SATB2: variants seen among roughly 807,000 people sequenced by gnomAD.
SATB2 encodes SATB homeobox 2, also known as DNA-binding protein SATB2.
In SATB2, 1 loss-of-function variant was observed where a neutral mutation model predicts 73.4. The ratio of observed to expected loss-of-function variants is 0.01; its 90% CI spans 0.00 to 0.06. The LOEUF (loss-of-function observed/expected upper bound fraction) is 0.06. Among genes scored for constraint, SATB2 ranks in the 10% least tolerant of loss-of-function variants. The pLI, the probability that SATB2 is intolerant of heterozygous loss-of-function variation, is 1.00. For synonymous variants in SATB2, 397 were observed against 367.0 expected (o/e 1.08, Z -0.93); for missense variants, 459 against 945.8 (o/e 0.49, Z 6.75).
At chr2:199,447,495 A>G in intron 2 of SATB2, among the ~76,000 whole-genome samples, 1 of 152,180 alleles carries the variant, frequency 6.6e-6, no homozygotes, top group Non-Finnish European at 1.5e-5. Flanking sequence ...CAGGCCTAGG[A>G]ACCCCATCTA....
chr2:199,375,891 T>C (rs1342640151), intron 5 of SATB2, among the ~76,000 whole-genome samples: 1 of 152,198 alleles, frequency 6.6e-6, no homozygotes, highest in African/African-American at 2.4e-5. Flanking sequence ...GGAATGCTGG[T>C]GGAAATATAC....
chr2:199,298,671 C>A (rs1559148932), intron 10 of SATB2, among the ~76,000 whole-genome samples: 1 of 152,094 alleles, frequency 6.6e-6, no homozygotes, highest in Non-Finnish European at 1.5e-5. Context: ...TCCCCTATTT[C>A]AACTGTTAAT....
At chr2:199,396,600 G>C (rs1216871483) in intron 3 of SATB2, 1 of 152,198 alleles carries the variant, frequency 6.6e-6, no homozygotes, top group Non-Finnish European at 1.5e-5. Context: ...GAGGAGCCAA[G>C]TGAGGATGGA....
intron 3 of SATB2, among the ~76,000 whole-genome samples, chr2:199,420,842 A>G (rs1201649227): frequency 6.6e-6 from 1 of 152,200 alleles, no homozygotes; most frequent in Non-Finnish European, 1.5e-5. Context: ...CTTATTGTAT[A>G]CTTATTTAAT....
intron 10 of SATB2, among the ~76,000 whole-genome samples, chr2:199,302,184 T>G (rs1250951266): frequency 6.6e-6 from 1 of 152,186 alleles, no homozygotes; most frequent in Non-Finnish European, 1.5e-5. Flanking sequence ...AACAAAGCCA[T>G]AGCTAATGTC....
chr2:199,455,149 C>T lies in SATB2; in HGVS notation c.169+720G>A, dbSNP rs1044619852. On this transcript the variant is annotated intron_variant, in intron 2 of 10. Coordinates refer to ENST00000417098, the MANE Select transcript of SATB2 (RefSeq NM_001172509.2). The surrounding 1 kb of genome is among the most constrained non-coding windows in gnomAD (Gnocchi z 4.1). ...TGACCACTTTAAAAGAAAGTAGTTGCTTAAGTAGTAAAAACTACAAAAGAT... is the reference window on the plus strand; with the variant it reads ...TGACCACTTTAAAAGAAAGTAGTTGTTTAAGTAGTAAAAACTACAAAAGAT... Among the ~76,000 whole-genome samples the T allele has an allele frequency of 2.0e-5, 3 of 152,088 alleles. No individual in the cohort carries two copies. Among genetic ancestry groups the T allele is most frequent in the Non-Finnish European group, 4.4e-5 (3 of 67,988 alleles).
intron 3 of SATB2, among the ~76,000 whole-genome samples, chr2:199,401,044 T>C (rs2105892207): frequency 6.6e-6 from 1 of 152,298 alleles, no homozygotes; most frequent in African/African-American, 2.4e-5. Context: ...TATATATCTT[T>C]TGAACATAAA....
chr2:199,272,646 T>C lies in SATB2; in HGVS notation c.1767A>G (p.Pro589=). ...VQVLHRQQSQ[P]AKESSPPREE... is the part of the protein sequence containing the mutation. ...CTCTGGGAGGGGAACTCTCCTTGGC[T>C]GGCTGAGACTGCTGTCTATGAAGTA... Residue 589 remains proline (P), a synonymous_variant, in exon 11 of 11, where the codon CCA becomes CCG. Coordinates refer to ENST00000417098, the MANE Select transcript of SATB2 (RefSeq NM_001172509.2). The surrounding 1 kb of genome is among the most constrained non-coding windows in gnomAD (Gnocchi z 6.7). 6.2e-7 allele frequency: 1 copy of C among 1,614,122 alleles called. No homozygotes were observed. Among genetic ancestry groups the C allele is most frequent in the East Asian group, 2.2e-5 (1 of 44,866 alleles).
At chr2:199,344,419 T>C (rs1346836274) in intron 7 of SATB2, among the ~76,000 whole-genome samples, 6 of 152,174 alleles carry the variant, frequency 3.9e-5, no homozygotes, top group African/African-American at 1.4e-4. Context: ...ATTGCCCGAG[T>C]ACTTTGAATC....
rs541226350 is a variant in SATB2, at chr2:199,369,026, C to T, written c.598-319G>A. On this transcript the variant is annotated intron_variant, in intron 5 of 10. Transcript: ENST00000417098. ...AGAGCAAAAGGTGAGATCAGATGCT[C>T]CAGCATCCGTAATCCAAATAATGCC... 3.2e-4 allele frequency: 80 copies of T among 253,436 alleles called. No homozygotes were observed. The South Asian group carries it at 4.2e-3, about 13-fold the overall frequency. 15.7% of individuals were successfully genotyped at this position (253,436 alleles called of 1,614,324 possible).
chr2:199,316,879 C>T (rs1313053369), intron 9 of SATB2, among the ~76,000 whole-genome samples: 1 of 152,084 alleles, frequency 6.6e-6, no homozygotes, highest in African/African-American at 2.4e-5. Flanking sequence ...TGGACTTCTT[C>T]ACTTCAACGG....
At chr2:199,314,024 G>A (rs1687663486) in intron 9 of SATB2, among the ~76,000 whole-genome samples, 1 of 152,128 alleles carries the variant, frequency 6.6e-6, no homozygotes, top group Non-Finnish European at 1.5e-5. Context: ...CCCATGAGAA[G>A]CTGTACTTCA....
chr2:199,321,970 T>C (rs944030395), intron 9 of SATB2, among the ~76,000 whole-genome samples: 1 of 152,196 alleles, frequency 6.6e-6, no homozygotes, highest in Non-Finnish European at 1.5e-5. Context: ...CTCCAAATTC[T>C]ACGAAATCAG....
intron 2 of SATB2, among the ~76,000 whole-genome samples, chr2:199,439,574 A>G (rs1233040070): frequency 6.6e-6 from 1 of 152,232 alleles, no homozygotes; most frequent in Non-Finnish European, 1.5e-5. Flanking sequence ...AACTGAGTGA[A>G]TAACAGTCTT....
intron 6 of SATB2, among the ~76,000 whole-genome samples, chr2:199,351,016 G>C (rs541855580): frequency 7.4e-6 from 1 of 135,306 alleles, no homozygotes; most frequent in Admixed American, 8.0e-5. Context: ...AGTGACGAGC[G>C]AGACTCTGTC....
chr2:199,441,077 C>T (rs1167155017), intron 2 of SATB2, among the ~76,000 whole-genome samples: 2 of 152,108 alleles, frequency 1.3e-5, no homozygotes, highest in South Asian at 2.1e-4. Context: ...GAACTCCCAA[C>T]CTCAGGTGAT....
In SATB2 at chr2:199,391,202, TAGGG is replaced by T. The variant is rs1690122870; in HGVS notation, c.347-9386_347-9383del. On this transcript the variant is annotated intron_variant, in intron 3 of 10. Transcript: ENST00000417098. ...GGCTCACGCCTGTAATCCCAGCACT[TAGGG>T]AGGCCGAGGCGGGTGGATCACAAGG... Among the ~76,000 whole-genome samples, 3 of 151,922 alleles carry T rather than the reference TAGGG, an allele frequency of 2.0e-5. No homozygotes were observed. The South Asian group carries it at 6.2e-4, about 32-fold the overall frequency.
chr2:199,456,433 T>C (rs1374473461), intron 1 of SATB2, among the ~76,000 whole-genome samples: 1 of 152,240 alleles, frequency 6.6e-6, no homozygotes, highest in Non-Finnish European at 1.5e-5. Context: ...TGCTACAGCC[T>C]AGCCCGTCCC....
At chr2:199,333,643 TAA>T (rs149177149) in intron 7 of SATB2, among the ~76,000 whole-genome samples, 63 of 152,128 alleles carry the variant, frequency 4.1e-4, no homozygotes, top group African/African-American at 1.4e-3. Context: ...AAAAATATAA[TAA>T]GAGTCTACAT....
Sources: allele counts gnomAD v4.1 joint callset (sites outside exome capture counted in the v4.1 genomes callset), GRCh38; gene constraint gnomAD v4.1.1; non-coding constraint Gnocchi (gnomAD v3.1); transcripts MANE v1.5; gene names NCBI Gene and HGNC (gene_info 2026-07-23, HGNC 2026-07-21).